The following TIGD6 variants were observed in gnomAD, a reference collection of about 807,000 sequenced individuals.
TIGD6 encodes the protein tigger transposable element derived 6.
In TIGD6, 1 loss-of-function variant was observed where a neutral mutation model predicts 2.6. The observed-to-expected ratio is 0.39, with a 90% confidence interval of 0.14 to 1.85. The LOEUF (loss-of-function observed/expected upper bound fraction) is 1.85, where lower values mean the gene tolerates loss of function less well. Among genes scored for constraint, TIGD6 ranks in the 40% most tolerant of loss-of-function variants. The pLI, the probability that TIGD6 is intolerant of heterozygous loss-of-function variation, is 0.32. For missense variants in TIGD6, 601 were observed against 634.2 expected, an observed-to-expected ratio of 0.95 and a Z score of 0.56; for synonymous variants, 193 against 221.9, an observed-to-expected ratio of 0.87 and a Z score of 1.16.
At position 149,994,943 on chromosome 5, in the gene TIGD6, G is replaced by T. The variant is rs933351921; in HGVS notation, c.1406C>A (p.Ala469Asp). 6 of 1,612,742 alleles carry T rather than the reference G, an allele frequency of 3.7e-6. No individual in the cohort carries two copies. The highest frequency in any genetic ancestry group is 5.1e-6 in the Non-Finnish European group (6 of 1,178,972). The change falls in exon 2 of 2, where the codon GCC becomes GAC. Residue 469 changes from alanine (A) to aspartate (D), a missense_variant. By Grantham distance (126) the Ala-to-Asp change is moderately radical. Transcript: ENST00000296736. ...TCTAAGTTTCTGTACACTTGATATGGCTTCTGTGATGGTGACTTTTGGTTG... is the reference window on the plus strand; with the variant it reads ...TCTAAGTTTCTGTACACTTGATATGTCTTCTGTGATGGTGACTTTTGGTTG... ...PEQPKVTITEAISSVQKLRQF... is the reference protein window; with the variant it reads ...PEQPKVTITEDISSVQKLRQF...
intron 1 of TIGD6, among the ~76,000 whole-genome samples, chr5:149,996,873 G>T (rs1755401666): frequency 6.6e-6 from 1 of 152,220 alleles, no homozygotes; most frequent in Admixed American, 6.5e-5. Flanking sequence ...CCATGGTCCT[G>T]CTTGAAATTC....
chr5:149,995,654 G>A lies in TIGD6; in HGVS notation c.695C>T (p.Ser232Leu). ...EKMRPLIVGR[S>L]ASPHCLKNIH... ...GTTCTTGAGGCAGTGTGGGCTGGCT[G>A]ACCTACCAACAATCAATGGTCTCAT... Residue 232 changes from serine to leucine, a missense_variant, in exon 2 of 2, where the codon TCA (serine) becomes TTA (leucine). Coordinates refer to ENST00000296736, the MANE Select transcript of TIGD6 (RefSeq NM_030953.4). 3 of 1,614,212 alleles carry A rather than the reference G, an allele frequency of 1.9e-6. No individual in the cohort carries two copies. Among genetic ancestry groups the A allele is most frequent in the Non-Finnish European group, 2.5e-6 (3 of 1,180,036 alleles).
At position 149,995,570 on chromosome 5, in the gene TIGD6, A is replaced by G. The variant is rs144308233; in HGVS notation, c.779T>C (p.Leu260Pro). ...CACTTGCATCAGCCACTCATTAAAC[A>G]GATCCCTTGTCATCCAAGCCCACTG... ...ANQWAWMTRD[L>P]FNEWLMQVDA... is the part of the protein sequence containing the mutation. Residue 260 changes from leucine (L) to proline (P), a missense_variant, in exon 2 of 2, where the codon CTG (leucine) becomes CCG (proline). Physicochemically the swap from Leu to Pro is moderately conservative, Grantham distance 98 (BLOSUM62 -3). Transcript: ENST00000296736. 2.0e-4 allele frequency: 324 copies of G among 1,614,268 alleles called. 1 individual carries two copies. In the African/African-American group the frequency reaches 3.7e-3, roughly 19 times the overall value.
intron 1 of TIGD6, among the ~76,000 whole-genome samples, chr5:149,997,755 C>T (rs1011666410): frequency 6.0e-5 from 9 of 151,016 alleles, no homozygotes; most frequent in South Asian, 4.2e-4. Flanking sequence ...GTCAGGATAT[C>T]GAGACCATCC....
In TIGD6 at chr5:149,996,415, C is replaced by G; in HGVS notation, c.-67G>C. ...GGTTCCTCCTCGCGGCTTGCTTTGC[C>G]CCAAGTGTGGAAAGCTGAGAAGACA... On this transcript the variant is annotated 5_prime_UTR_variant, in exon 2 of 2. Transcript: ENST00000296736. 4 of 1,516,510 alleles carry G rather than the reference C, an allele frequency of 2.6e-6. No individual in the cohort carries two copies. Among genetic ancestry groups the G allele is most frequent in the Non-Finnish European group, 2.6e-6 (3 of 1,135,302 alleles). The allele number at this position is 1,516,510 out of a possible 1,614,324, so 93.9% of individuals were successfully genotyped here. A position where few individuals can be genotyped will look rare whatever the true frequency, so the allele number is the denominator to read the frequency against.
chr5:149,999,336 T>G (rs1257304193), intron 1 of TIGD6, among the ~76,000 whole-genome samples: 1 of 152,086 alleles, frequency 6.6e-6, no homozygotes, highest in Admixed American at 6.5e-5. Context: ...CATATACAGT[T>G]TGGATGTTAA....
Position 149,994,558 on chromosome 5 carries a change from C to T in TIGD6, c.*225G>A. On this transcript the variant is annotated 3_prime_UTR_variant, in exon 2 of 2. Coordinates refer to ENST00000296736, the MANE Select transcript of TIGD6 (RefSeq NM_030953.4). ...CTAATTTGCAGACAAGTTTGGAAACCCTTGGATGAATCAAAATACATCTTG... is the reference window on the plus strand; with the variant it reads ...CTAATTTGCAGACAAGTTTGGAAACTCTTGGATGAATCAAAATACATCTTG... 2.6e-6 allele frequency: 1 copy of T among 379,150 alleles called. No homozygotes were observed. The highest frequency in any genetic ancestry group is 4.6e-6 in the Non-Finnish European group (1 of 216,982). 23.5% of individuals were successfully genotyped at this position (379,150 alleles called of 1,614,324 possible).
rs564281689 is a variant in TIGD6 at position 149,997,822 on chromosome 5, G to A, written c.-81-1393C>T. On this transcript the variant is annotated intron_variant, in intron 1 of 1. Transcript: ENST00000296736. Reference sequence around the variant, plus strand: ...AAAATACAAAAAAAATTAGCCGGGCGTGGTGGCGGGCGCCTGTAGTCCCAG... The same window carrying A: ...AAAATACAAAAAAAATTAGCCGGGCATGGTGGCGGGCGCCTGTAGTCCCAG... Among the ~76,000 whole-genome samples, 470 of 152,174 alleles carry A rather than the reference G, an allele frequency of 3.1e-3. 13 individuals carry two copies. The highest frequency in any genetic ancestry group is 0.028 in the Admixed American group (430 of 15,286).
At position 149,995,479 on chromosome 5, in the gene TIGD6, G is replaced by A; in HGVS notation, c.870C>T (p.Asn290=). 6.2e-7 allele frequency: 1 copy of A among 1,614,264 alleles called. No homozygotes were observed. Among genetic ancestry groups the A allele is most frequent in the Non-Finnish European group, 8.5e-7 (1 of 1,180,046 alleles). The change falls in exon 2 of 2, where the codon AAC becomes AAT. Residue 290 remains asparagine, a synonymous_variant. Transcript: ENST00000296736. Reference sequence around the variant, plus strand: ...GAATCCTTTCCAAGTGTGGAAGCATGTTATGAGCAGAGCAGTTGTCTATGA... The same window carrying A: ...GAATCCTTTCCAAGTGTGGAAGCATATTATGAGCAGAGCAGTTGTCTATGA... ...LLLIDNCSAH[N]MLPHLERIQV... is the part of the protein sequence containing the mutation.
rs1446520251 is a variant in TIGD6 at position 149,995,344 on chromosome 5, G to A, written c.1005C>T (p.Leu335=). 6.2e-7 allele frequency: 1 copy of A among 1,614,202 alleles called. No homozygotes were observed. Among genetic ancestry groups the A allele is most frequent in the Non-Finnish European group, 8.5e-7 (1 of 1,180,036 alleles). ...GATCCTCACTGCTGTTGAGCTTGAG[G>A]AGGATCTGTTTTAGAAGGTGGCTCT... ...LYQSHLLKQI[L]LKLNSSEDQE... is the part of the protein sequence containing the mutation. The change falls in exon 2 of 2, where the codon CTC becomes CTT. Residue 335 remains leucine, a synonymous_variant. Transcript: ENST00000296736.
In TIGD6 at chr5:149,996,048, T is replaced by C. The variant is rs1326241542; in HGVS notation, c.301A>G (p.Ile101Val). 1 of 1,612,940 alleles carries C rather than the reference T, an allele frequency of 6.2e-7. No homozygotes were observed. Among genetic ancestry groups the C allele is most frequent in the Non-Finnish European group, 8.5e-7 (1 of 1,180,036 alleles). Residue 101 changes from isoleucine (I) to valine (V), a missense_variant, in exon 2 of 2, where the codon ATT becomes GTT. By Grantham distance (29) the Ile-to-Val change is conservative. Transcript: ENST00000296736. ...GCCAAGTTTAGTGCTTTTTTCCGAA[T>C]GACAGAACCAGTCACAAGAATGTTT... ...AKNILVTGSV[I>V]RKKALNLANM...
At position 149,995,030 on chromosome 5, in the gene TIGD6, A is replaced by G. The variant is rs754366466; in HGVS notation, c.1319T>C (p.Val440Ala). ...TGCTTCACTGGTATTTTCGCCAGCC[A>G]CCATGTCCTGGATGATGTCTGTGTC... Reference protein sequence around the residue: ...SQDTDIIQDMVAGENTSEAGS... With the variant: ...SQDTDIIQDMAAGENTSEAGS... Residue 440 changes from valine (V) to alanine (A), a missense_variant, in exon 2 of 2, where the codon GTG (valine) becomes GCG (alanine). Transcript: ENST00000296736. 4.3e-6 allele frequency: 7 copies of G among 1,614,024 alleles called. No homozygotes were observed. The highest frequency in any genetic ancestry group is 4.2e-6 in the Non-Finnish European group (5 of 1,180,008).
chr5:149,993,758 T>G lies in TIGD6; in HGVS notation c.*1025A>C, dbSNP rs1416281386. 1.3e-5 allele frequency: 2 copies of G among 152,226 alleles called. No individual in the cohort carries two copies. The highest frequency in any genetic ancestry group is 4.8e-5 in the African/African-American group (2 of 41,434). The allele number at this position is 152,226 out of a possible 1,614,324, so 9.4% of individuals were successfully genotyped here. A position where few individuals can be genotyped will look rare whatever the true frequency, so the allele number is the denominator to read the frequency against. On this transcript the variant is annotated 3_prime_UTR_variant, in exon 2 of 2. Coordinates refer to ENST00000296736, the MANE Select transcript of TIGD6 (RefSeq NM_030953.4). ...AGATCCCTATTAGTGAAATGCCTATTAAAACATTTCGTAAGGCCAGCATGG... is the reference window on the plus strand; with the variant it reads ...AGATCCCTATTAGTGAAATGCCTATGAAAACATTTCGTAAGGCCAGCATGG...
In TIGD6 at chr5:149,995,996, T is replaced by G; in HGVS notation, c.353A>C (p.Gln118Pro). The change falls in exon 2 of 2, where the codon CAA (glutamine) becomes CCA (proline). Residue 118 changes from glutamine (Q) to proline (P), a missense_variant. Transcript: ENST00000296736. ...TCTGTTCAGCCAGCCCACACTTGCT[T>G]GAAAATTGTCATAGCCAAGCATGTT... ...LANMLGYDNF[Q>P]ASVGWLNRFR... 1.2e-6 allele frequency: 2 copies of G among 1,611,126 alleles called. No homozygotes were observed. Among genetic ancestry groups the G allele is most frequent in the Non-Finnish European group, 1.7e-6 (2 of 1,180,032 alleles).
chr5:149,995,153 T>C lies in TIGD6; in HGVS notation c.1196A>G (p.Glu399Gly), dbSNP rs548531781. 11 of 1,614,152 alleles carry C rather than the reference T, an allele frequency of 6.8e-6. No individual in the cohort carries two copies. Among genetic ancestry groups the C allele is most frequent in the Admixed American group, 1.7e-5 (1 of 60,014 alleles). Residue 399 changes from glutamate (E) to glycine (G), a missense_variant, in exon 2 of 2, where the codon GAA becomes GGA. Transcript: ENST00000296736. ...SAASEPDIAI[E>G]KLWHTVAIAT... Reference sequence around the variant, plus strand: ...AATAGCCACTGTGTGCCACAACTTTTCAATGGCAATGTCTGGTTCACTGGC... The same window carrying C: ...AATAGCCACTGTGTGCCACAACTTTCCAATGGCAATGTCTGGTTCACTGGC...
At position 149,995,214 on chromosome 5, in the gene TIGD6, G is replaced by A. The variant is rs754479811; in HGVS notation, c.1135C>T (p.Pro379Ser). The change falls in exon 2 of 2, where the codon CCT (proline) becomes TCT (serine). Residue 379 changes from proline (P) to serine (S), a missense_variant. Physicochemically the swap from Pro to Ser is moderately conservative, Grantham distance 74. Transcript: ENST00000296736. ...VKCWQKAGIV[P>S]MEFAECDTES... ...GTGTCACATTCTGCAAATTCCATAG[G>A]GACGATGCCTGCCTTCTGCCAACAT... 36 of 1,613,530 alleles carry A rather than the reference G, an allele frequency of 2.2e-5. No homozygotes were observed. The highest frequency in any genetic ancestry group is 1.7e-4 in the Admixed American group (10 of 60,000).
Position 149,996,304 on chromosome 5 carries a change from C to T in TIGD6, c.45G>A (p.Glu15=). The change falls in exon 2 of 2, where the codon GAG becomes GAA. Residue 15 remains glutamate (E), a synonymous_variant. Transcript: ENST00000296736. ...GNKKRRQFSL[E]EKMKVVGAVD... ...CAGCTCCCACAACTTTCATTTTCTCCTCCAGAGAGAACTGCCGACGCTTCT... is the reference window on the plus strand; with the variant it reads ...CAGCTCCCACAACTTTCATTTTCTCTTCCAGAGAGAACTGCCGACGCTTCT... 3 of 1,613,198 alleles carry T rather than the reference C, an allele frequency of 1.9e-6. No homozygotes were observed. The highest frequency in any genetic ancestry group is 2.5e-6 in the Non-Finnish European group (3 of 1,179,738).
chr5:149,996,490 A>C (rs933856532), intron 1 of TIGD6, 61 bp from the exon 2 acceptor site: 12 of 1,245,774 alleles, frequency 9.6e-6, no homozygotes, highest in Non-Finnish European at 1.3e-5. Flanking sequence ...AAGATGGTTC[A>C]GGATTTTTAC....
In TIGD6 at chr5:149,995,273, G is replaced by A. The variant is rs778999507; in HGVS notation, c.1076C>T (p.Ala359Val). 4.3e-6 allele frequency: 7 copies of A among 1,613,862 alleles called. No individual in the cohort carries two copies. Among genetic ancestry groups the A allele is most frequent in the Non-Finnish European group, 5.1e-6 (6 of 1,179,992 alleles). ...IKQAIDMIAA[A>V]WWSVKPSTVV... is the part of the protein sequence containing the mutation. ...TGTGGATGGCTTGACTGACCACCAC[G>A]CTGCAGCAATCATGTCGATGGCCTG... The change falls in exon 2 of 2, where the codon GCG becomes GTG. Residue 359 changes from alanine to valine, a missense_variant. By Grantham distance (64) the Ala-to-Val change is moderately conservative. Transcript: ENST00000296736.
Sources: allele counts gnomAD v4.1 joint callset (sites outside exome capture counted in the v4.1 genomes callset), GRCh38; gene constraint gnomAD v4.1.1; transcripts MANE v1.5; gene names NCBI Gene and HGNC (gene_info 2026-07-23, HGNC 2026-07-21).